BRINP3: variants seen among roughly 807,000 people sequenced by gnomAD.
The protein encoded by BRINP3 is BMP/retinoic acid inducible neural specific 3.
In BRINP3, 19 loss-of-function variants were observed where a neutral mutation model predicts 71.0. The observed-to-expected ratio is 0.27, with a 90% CI of 0.19 to 0.39. The LOEUF is 0.39. Among genes scored for constraint, BRINP3 ranks in the 10% least tolerant of loss-of-function variants. The pLI is 1.00. For synonymous variants in BRINP3, 380 were observed against 337.7 expected (o/e 1.13, Z -1.37); for missense variants, 959 against 940.8 (o/e 1.02, Z -0.25).
At chr1:190,162,491 T>A (rs546538165) in intron 6 of BRINP3, among the ~76,000 whole-genome samples, 2 of 152,286 alleles carry the variant, frequency 1.3e-5, no homozygotes, top group East Asian at 3.9e-4. Flanking sequence ...GTCCCATTTG[T>A]GTCTTTTGTT....
At chr1:190,340,951 C>A (rs893491016) in intron 2 of BRINP3, among the ~76,000 whole-genome samples, 4 of 151,632 alleles carry the variant, frequency 2.6e-5, no homozygotes, top group Non-Finnish European at 5.9e-5. Context: ...AAAGATGTAT[C>A]ATTTAACAGG....
intron 2 of BRINP3, among the ~76,000 whole-genome samples, chr1:190,358,900 C>A (rs1323605702): frequency 6.6e-6 from 1 of 152,028 alleles, no homozygotes; most frequent in Non-Finnish European, 1.5e-5. Context: ...TCTCAGCAAA[C>A]TATCACAGGG....
chr1:190,414,833 G>A (rs575566937), intron 2 of BRINP3, among the ~76,000 whole-genome samples: 1 of 152,272 alleles, frequency 6.6e-6, no homozygotes, highest in Admixed American at 6.5e-5. Context: ...ATAGCTCTGA[G>A]AAGCATTCAA....
chr1:190,200,356 G>T (rs1654892823), intron 6 of BRINP3, among the ~76,000 whole-genome samples: 1 of 152,016 alleles, frequency 6.6e-6, no homozygotes, highest in African/African-American at 2.4e-5. Flanking sequence ...GATGAATTTA[G>T]AATTTGAATG....
chr1:190,373,207 T>C (rs956529944), intron 2 of BRINP3, among the ~76,000 whole-genome samples: 5 of 152,014 alleles, frequency 3.3e-5, no homozygotes, highest in East Asian at 1.9e-4. Context: ...CTGGCTAACA[T>C]GGCGAAACCC....
At chr1:190,408,169 C>A (rs1455657539) in intron 2 of BRINP3, among the ~76,000 whole-genome samples, 1 of 150,212 alleles carries the variant, frequency 6.7e-6, no homozygotes, top group African/African-American at 2.5e-5. Flanking sequence ...CTACAGGCGC[C>A]CGCCACCACG....
intron 2 of BRINP3, among the ~76,000 whole-genome samples, chr1:190,431,527 T>C (rs1364999562): frequency 6.6e-6 from 1 of 152,076 alleles, no homozygotes; most frequent in Non-Finnish European, 1.5e-5. Context: ...CAGATAATTT[T>C]TGTATTTTTA....
At chr1:190,391,365 C>G (rs1473685301) in intron 2 of BRINP3, among the ~76,000 whole-genome samples, 1 of 151,632 alleles carries the variant, frequency 6.6e-6, no homozygotes, top group East Asian at 1.9e-4. Context: ...TAGTCAGTAA[C>G]TGATAAAATA....
intron 2 of BRINP3, among the ~76,000 whole-genome samples, chr1:190,388,601 C>T (rs536028365): frequency 6.6e-6 from 1 of 151,826 alleles, no homozygotes; most frequent in East Asian, 1.9e-4. Flanking sequence ...GAAGTATCCT[C>T]CTCCATGTCC....
At chr1:190,237,580 A>G (rs1658643924) in intron 4 of BRINP3, among the ~76,000 whole-genome samples, 1 of 151,832 alleles carries the variant, frequency 6.6e-6, no homozygotes, top group South Asian at 2.1e-4. Flanking sequence ...AGCAATTGCC[A>G]TTTTTTCTAC....
intron 4 of BRINP3, among the ~76,000 whole-genome samples, chr1:190,252,526 C>T (rs1352262820): frequency 1.3e-5 from 2 of 152,000 alleles, no homozygotes; most frequent in East Asian, 3.9e-4. Context: ...GCTGTTTCAG[C>T]ATACATGCTA....
At chr1:190,471,701 T>C (rs1475887728) in intron 1 of BRINP3, among the ~76,000 whole-genome samples, 1 of 151,388 alleles carries the variant, frequency 6.6e-6, no homozygotes, top group Non-Finnish European at 1.5e-5. Context: ...TTTAATCTTG[T>C]TCCCAATTAA....
intron 6 of BRINP3, among the ~76,000 whole-genome samples, chr1:190,184,686 T>C (rs1653351348): frequency 6.6e-6 from 1 of 152,120 alleles, no homozygotes; most frequent in Non-Finnish European, 1.5e-5. Flanking sequence ...AGCTAAACTT[T>C]GGGCACTCAT....
At chr1:190,217,985 A>G (rs371595461) in intron 6 of BRINP3, among the ~76,000 whole-genome samples, 2 of 152,074 alleles carry the variant, frequency 1.3e-5, no homozygotes, top group East Asian at 3.9e-4. Flanking sequence ...ATATTAATCT[A>G]TTCAATTATT....
intron 3 of BRINP3, among the ~76,000 whole-genome samples, chr1:190,281,251 C>G (rs1489123253): frequency 6.6e-6 from 1 of 151,884 alleles, no homozygotes; most frequent in Non-Finnish European, 1.5e-5. Context: ...CCTGTGACTT[C>G]TTATTATTCA....
At chr1:190,224,854 T>G (rs1160798057) in intron 6 of BRINP3, among the ~76,000 whole-genome samples, 1 of 152,028 alleles carries the variant, frequency 6.6e-6, no homozygotes, top group Non-Finnish European at 1.5e-5. Context: ...GAATACATAT[T>G]TCTCATAAGA....
intron 2 of BRINP3, among the ~76,000 whole-genome samples, chr1:190,438,492 G>T (rs1234959000): frequency 6.6e-6 from 1 of 151,590 alleles, no homozygotes; most frequent in Non-Finnish European, 1.5e-5. Flanking sequence ...CTCTGACTTT[G>T]GGGAAACTTA....
chr1:190,259,731 TAGAA>T (rs1233195004), intron 4 of BRINP3, among the ~76,000 whole-genome samples: 2 of 151,888 alleles, frequency 1.3e-5, no homozygotes, highest in African/African-American at 4.8e-5. Flanking sequence ...CATTATCTAA[TAGAA>T]AGTCTCAAAG....
At position 190,121,993 on chromosome 1, in the gene BRINP3, A is replaced by T. The variant is rs187368811; in HGVS notation, c.1185-22859T>A. On this transcript the variant is annotated intron_variant, in intron 7 of 7. Coordinates refer to ENST00000367462, the MANE Select transcript of BRINP3 (RefSeq NM_199051.3). ...ATGAATAAGTGGAGGAGGATAATAG[A>T]GCAATATTACTGTGAAGAATATTAT... Among the ~76,000 whole-genome samples the T allele has an allele frequency of 6.3e-4, 96 of 152,332 alleles. No individual in the cohort carries two copies. The East Asian group carries it at 0.017, about 27-fold the overall frequency.
Sources: gnomAD v4.1 joint callset for allele counts (sites outside exome capture counted in the v4.1 genomes callset) on GRCh38, gnomAD v4.1.1 for gene constraint, MANE v1.5 for transcripts, NCBI Gene and HGNC (gene_info 2026-07-23, HGNC 2026-07-21) for gene names.